ZDHHC14: variants seen among roughly 807,000 people sequenced by gnomAD.
ZDHHC14 encodes the protein palmitoyltransferase ZDHHC14.
In ZDHHC14, 16 loss-of-function variants were observed where a neutral mutation model predicts 47.7. The ratio of observed to expected loss-of-function variants is 0.34; its 90% CI spans 0.23 to 0.51. ZDHHC14 has a LOEUF of 0.51. Among genes scored for constraint, ZDHHC14 ranks in the 20% least tolerant of loss-of-function variants. The pLI is 0.97. For synonymous variants in ZDHHC14, 293 were observed against 278.9 expected (o/e 1.05, Z -0.50); for missense variants, 515 against 662.5 (o/e 0.78, Z 2.44).
At chr6:157,512,709 C>A (rs1332842614) in intron 1 of ZDHHC14, among the ~76,000 whole-genome samples, 1 of 152,064 alleles carries the variant, frequency 6.6e-6, no homozygotes, top group African/African-American at 2.4e-5. Flanking sequence ...GAAAAAAAGA[C>A]AGGGAGAGAA....
chr6:157,510,672 A>C (rs1324029684), intron 1 of ZDHHC14, among the ~76,000 whole-genome samples: 1 of 152,222 alleles, frequency 6.6e-6, no homozygotes, highest in Non-Finnish European at 1.5e-5. Context: ...TGCAATCCGC[A>C]TAAGGAGAAG....
intron 8 of ZDHHC14, among the ~76,000 whole-genome samples, chr6:157,662,955 C>T (rs565111198): frequency 1.1e-4 from 16 of 152,334 alleles, no homozygotes; most frequent in African/African-American, 3.4e-4. Flanking sequence ...ATTTAGCACT[C>T]ATGAAAATTT....
At chr6:157,517,615 A>G (rs148428076) in intron 1 of ZDHHC14, among the ~76,000 whole-genome samples, 1,644 of 152,206 alleles carry the variant, frequency 0.011, 18 homozygotes, top group Non-Finnish European at 0.018. Context: ...CTGGCCTTAA[A>G]GTATCTCTTA....
chr6:157,451,385 C>G (rs1201842108), intron 1 of ZDHHC14, among the ~76,000 whole-genome samples: 1 of 152,138 alleles, frequency 6.6e-6, no homozygotes, highest in Admixed American at 6.5e-5. Flanking sequence ...CAGCGTCATC[C>G]TAAGACTATG....
rs149971953 is a variant in ZDHHC14, at chr6:157,636,443, C to T, written c.752+3561C>T. Among the ~76,000 whole-genome samples the T allele has an allele frequency of 1.2e-3, 187 of 152,176 alleles. 1 individual carries two copies. The highest frequency in any genetic ancestry group is 3.9e-3 in the African/African-American group (161 of 41,502). On this transcript the variant is annotated intron_variant, in intron 5 of 8. Transcript: ENST00000359775. ...CCCCAGAGTTCAGGTTGGAAATGCTCGCGGGATACCCCGAAGGCCCTTGCT... is the reference window on the plus strand; with the variant it reads ...CCCCAGAGTTCAGGTTGGAAATGCTTGCGGGATACCCCGAAGGCCCTTGCT...
At chr6:157,529,641 C>G (rs935371240) in intron 1 of ZDHHC14, among the ~76,000 whole-genome samples, 2 of 152,232 alleles carry the variant, frequency 1.3e-5, no homozygotes, top group Non-Finnish European at 2.9e-5. Context: ...CCAGACTGGA[C>G]AAGGCACCTT....
chr6:157,545,285 G>T (rs1018270441), intron 2 of ZDHHC14, among the ~76,000 whole-genome samples: 2 of 152,068 alleles, frequency 1.3e-5, no homozygotes, highest in African/African-American at 4.8e-5. Context: ...GGTGATGGTT[G>T]CACAATGCAA....
At chr6:157,668,075 A>T (rs1287242155) in intron 8 of ZDHHC14, among the ~76,000 whole-genome samples, 1 of 152,150 alleles carries the variant, frequency 6.6e-6, no homozygotes, top group Non-Finnish European at 1.5e-5. Flanking sequence ...ATCAGTTTGA[A>T]TGTGGCAAAG....
intron 1 of ZDHHC14, among the ~76,000 whole-genome samples, chr6:157,466,305 G>A (rs561399181): frequency 2.4e-4 from 37 of 152,268 alleles, no homozygotes; most frequent in African/African-American, 8.9e-4. Context: ...ACAGCTCGGT[G>A]CGTGCTGTAC....
chr6:157,648,325 G>A (rs1162429718), intron 7 of ZDHHC14, among the ~76,000 whole-genome samples: 1 of 152,152 alleles, frequency 6.6e-6, no homozygotes, highest in East Asian at 1.9e-4. Flanking sequence ...CCATGACTGT[G>A]TCCAGGGCAG....
intron 8 of ZDHHC14, among the ~76,000 whole-genome samples, chr6:157,662,369 ACAGGGTTTCACCATGTTGGT>A (rs1169372915): frequency 6.6e-6 from 1 of 152,154 alleles, no homozygotes; most frequent in Non-Finnish European, 1.5e-5. Flanking sequence ...TTTAGTACAG[ACAGGGTTTCACCATGTTGGT>A]CAGGCTGGTC....
intron 1 of ZDHHC14, among the ~76,000 whole-genome samples, chr6:157,506,551 G>A (rs1395907050): frequency 2.0e-5 from 3 of 152,086 alleles, no homozygotes; most frequent in African/African-American, 4.8e-5. Flanking sequence ...TTATATTCTA[G>A]GTCCTCTCCC....
chr6:157,676,737 G>A lies in ZDHHC14; in HGVS notation c.*3615G>A, dbSNP rs1365191099. ...CACAGCCTGGCGGGCTACTCCCCAA[G>A]GGTCTCAGGTCTCTGCCCACCTGAC... On this transcript the variant is annotated 3_prime_UTR_variant, in exon 9 of 9. Coordinates refer to ENST00000359775, the MANE Select transcript of ZDHHC14 (RefSeq NM_024630.3). 6.6e-6 allele frequency: 1 copy of A among 152,324 alleles called. No individual in the cohort carries two copies. The highest frequency in any genetic ancestry group is 1.5e-5 in the Non-Finnish European group (1 of 68,110). 9.4% of individuals were successfully genotyped at this position (152,324 alleles called of 1,614,324 possible).
At chr6:157,567,610 A>C (rs1364816329) in intron 2 of ZDHHC14, among the ~76,000 whole-genome samples, 1 of 152,188 alleles carries the variant, frequency 6.6e-6, no homozygotes, top group East Asian at 1.9e-4. Context: ...TGAGGTCAGG[A>C]GTTTGAGACC....
chr6:157,487,338 C>T (rs17165366), intron 1 of ZDHHC14, among the ~76,000 whole-genome samples: 1,950 of 152,310 alleles, frequency 0.013, 41 homozygotes, highest in African/African-American at 0.045. Flanking sequence ...AGTTCCAGCG[C>T]GGTCCTAGTG....
At chr6:157,386,321 A>T (rs989094904) in intron 1 of ZDHHC14, among the ~76,000 whole-genome samples, 1 of 152,200 alleles carries the variant, frequency 6.6e-6, no homozygotes, top group African/African-American at 2.4e-5. Flanking sequence ...AGCCTGGGCA[A>T]CATAGTGAGA....
In ZDHHC14 at chr6:157,520,797, A is replaced by G. The variant is rs141586634; in HGVS notation, c.246-21788A>G. Among the ~76,000 whole-genome samples, 87 of 152,334 alleles carry G rather than the reference A, an allele frequency of 5.7e-4. No individual in the cohort carries two copies. The East Asian group carries it at 0.013, about 23-fold the overall frequency. On this transcript the variant is annotated intron_variant, in intron 1 of 8. Transcript: ENST00000359775. ...AAGTGTTGGGCATAGAATGCTGATA[A>G]AGAATGGCTGGTTGTTCCTTTTACC...
intron 1 of ZDHHC14, among the ~76,000 whole-genome samples, chr6:157,417,885 C>T (rs1051705107): frequency 1.9e-4 from 28 of 149,184 alleles, no homozygotes; most frequent in Admixed American, 1.5e-3. Flanking sequence ...ACCCAGGAGG[C>T]GGAGCTTGCA....
chr6:157,668,565 T>C (rs1049006818), intron 8 of ZDHHC14, among the ~76,000 whole-genome samples: 1 of 146,500 alleles, frequency 6.8e-6, no homozygotes, highest in East Asian at 2.0e-4. Flanking sequence ...CCAGGCATGG[T>C]GGTGCGTGCC....
Sources: gnomAD v4.1 joint callset for allele counts (sites outside exome capture counted in the v4.1 genomes callset) on GRCh38, gnomAD v4.1.1 for gene constraint, MANE v1.5 for transcripts, NCBI Gene and HGNC (gene_info 2026-07-23, HGNC 2026-07-21) for gene names.